SPANXN1: variants seen among roughly 807,000 people sequenced by gnomAD.
The protein encoded by SPANXN1 is sperm protein associated with the nucleus on the X chromosome N1.
Under a neutral mutation model 2.0 loss-of-function variants are expected in SPANXN1, and 1 was observed. That is an observed-to-expected ratio of 0.50 (90% confidence interval 0.18 to 2.36). The LOEUF (loss-of-function observed/expected upper bound fraction) is 2.36. SPANXN1 is among the 30% of genes most tolerant of loss of function. SPANXN1 has a pLI of 0.26. For missense variants in SPANXN1, 55 were observed against 51.8 expected, an observed-to-expected ratio of 1.06 and a Z score of -0.19; for synonymous variants, 27 against 21.3, an observed-to-expected ratio of 1.27 and a Z score of -0.74.
chrX:145,249,908 G>A (rs2070778723), intron 1 of SPANXN1, among the ~76,000 whole-genome samples: 2 of 111,309 alleles, frequency 1.8e-5, no homozygotes, highest in Non-Finnish European at 3.8e-5. Context: ...ATAGAAGGGG[G>A]AGAAAATACG....
chrX:145,248,636 A>G (rs1334385422), intron 1 of SPANXN1, among the ~76,000 whole-genome samples: 17 of 111,934 alleles, frequency 1.5e-4, no homozygotes, highest in Non-Finnish European at 3.0e-4. Context: ...TTATGGTGGC[A>G]AGCCATGAGA....
At position 145,251,548 on chromosome X, in the gene SPANXN1, C is replaced by T. The variant is rs200024113; in HGVS notation, c.75+3887C>T. Among the ~76,000 whole-genome samples the T allele has an allele frequency of 1.4e-4, 16 of 111,439 alleles. No individual in the cohort carries two copies. The East Asian group carries it at 2.8e-3, about 20-fold the overall frequency. On this transcript the variant is annotated intron_variant, in intron 1 of 1. Transcript: ENST00000370493. ...GAGAGATGTGCAATGGCTTCTGGGG[C>T]GTCGCCGTATGTTTGACAGAGTAGT...
rs369753948 is a variant in SPANXN1 at position 145,247,561 on chromosome X, T to A, written c.-26T>A. On this transcript the variant is annotated 5_prime_UTR_variant, in exon 1 of 2. Coordinates refer to ENST00000370493, the MANE Select transcript of SPANXN1 (RefSeq NM_001009614.3). Reference sequence around the variant, plus strand: ...GTCTGGAGTCTACAAGAGCCTACTATAGACATTCTACAACCAACCAGAATC... The same window carrying A: ...GTCTGGAGTCTACAAGAGCCTACTAAAGACATTCTACAACCAACCAGAATC... 3 of 1,194,605 alleles carry A rather than the reference T, an allele frequency of 2.5e-6. No individual in the cohort carries two copies. Among genetic ancestry groups the A allele is most frequent in the Admixed American group, 4.4e-5 (2 of 45,940 alleles).
Position 145,248,842 on chromosome X carries a change from G to C in SPANXN1, c.75+1181G>C, listed in dbSNP as rs146261062. On this transcript the variant is annotated intron_variant, in intron 1 of 1. Coordinates refer to ENST00000370493, the MANE Select transcript of SPANXN1 (RefSeq NM_001009614.3). ...CTAATAGCCACTGTGGTCCTTACAGGGCAGAAGGATACAGGTTGCAGTTGA... is the reference window on the plus strand; with the variant it reads ...CTAATAGCCACTGTGGTCCTTACAGCGCAGAAGGATACAGGTTGCAGTTGA... Among the ~76,000 whole-genome samples the C allele has an allele frequency of 5.5e-3, 618 of 111,745 alleles. 3 individuals carry two copies. Among genetic ancestry groups the C allele is most frequent in the Non-Finnish European group, 8.8e-3 (466 of 53,172 alleles).
At chrX:145,254,176 A>C (rs1217109450) in intron 1 of SPANXN1, among the ~76,000 whole-genome samples, 1 of 95,534 alleles carries the variant, frequency 1.0e-5, no homozygotes, top group Non-Finnish European at 2.1e-5. Context: ...TCAGAGGAGG[A>C]AGGCTTGTCC....
At chrX:145,249,079 C>T (rs1413254448) in intron 1 of SPANXN1, among the ~76,000 whole-genome samples, 18 of 111,014 alleles carry the variant, frequency 1.6e-4, no homozygotes, top group Non-Finnish European at 3.2e-4. Context: ...GGTGATTAGC[C>T]GAGCAAGATT....
intron 1 of SPANXN1, among the ~76,000 whole-genome samples, chrX:145,252,266 G>A (rs2070789136): frequency 9.0e-6 from 1 of 111,487 alleles, no homozygotes; most frequent in Admixed American, 9.5e-5. Context: ...TGGGTTTAAG[G>A]GAAGAGTGAA....
chrX:145,253,477 G>A (rs2070794514), intron 1 of SPANXN1, among the ~76,000 whole-genome samples: 1 of 110,948 alleles, frequency 9.0e-6, no homozygotes, highest in Non-Finnish European at 1.9e-5. Context: ...GGGAGATAAA[G>A]TGTAAATGGA....
chrX:145,252,011 C>A (rs73639615), intron 1 of SPANXN1, among the ~76,000 whole-genome samples: 7,066 of 110,945 alleles, frequency 0.064, 564 homozygotes, highest in African/African-American at 0.22. Flanking sequence ...ATTATGGAAG[C>A]AGTTTAAAAC....
At chrX:145,255,362 C>T (rs1275341277) in intron 1 of SPANXN1, among the ~76,000 whole-genome samples, 3 of 111,614 alleles carry the variant, frequency 2.7e-5, no homozygotes, top group African/African-American at 9.8e-5. Flanking sequence ...CTTTGTCCGC[C>T]TTGTGGACAG....
chrX:145,253,593 C>G (rs2070795027), intron 1 of SPANXN1, among the ~76,000 whole-genome samples: 1 of 111,097 alleles, frequency 9.0e-6, no homozygotes, highest in Non-Finnish European at 1.9e-5. Flanking sequence ...TATATGCCAG[C>G]TAGAAGGCAT....
chrX:145,248,841 G>A (rs2070773049), intron 1 of SPANXN1, among the ~76,000 whole-genome samples: 2 of 111,787 alleles, frequency 1.8e-5, no homozygotes, highest in African/African-American at 6.5e-5. Flanking sequence ...GGTCCTTACA[G>A]GGCAGAAGGA....
rs1418254364 is a variant in SPANXN1 at position 145,255,984 on chromosome X, A to G, written c.*170A>G. ...TTACCTGAAGGATCTTCAAAGCAGA[A>G]TGAAGACCTAGGCTTACCTGAAGGA... On this transcript the variant is annotated 3_prime_UTR_variant, in exon 2 of 2. Coordinates refer to ENST00000370493, the MANE Select transcript of SPANXN1 (RefSeq NM_001009614.3). 7.3e-6 allele frequency: 7 copies of G among 954,367 alleles called. No individual in the cohort carries two copies. Among genetic ancestry groups the G allele is most frequent in the African/African-American group, 3.9e-5 (2 of 51,561 alleles). 78.7% of individuals were successfully genotyped at this position (954,367 alleles called of 1,213,427 possible).
At position 145,255,812 on chromosome X, in the gene SPANXN1, TGA is replaced by T. The variant is rs782813949; in HGVS notation, c.*3_*4del. 3.7e-4 allele frequency: 449 copies of T among 1,210,773 alleles called. No homozygotes were observed. In the African/African-American group the frequency reaches 6.9e-3, roughly 19 times the overall value. Reference sequence around the variant, plus strand: ...AAATCAACTGGAGAATGACCAGTCCTGAGAGAACTCCATCAATCCAGTCCAAG... The same window carrying T: ...AAATCAACTGGAGAATGACCAGTCCTGAGAACTCCATCAATCCAGTCCAAG... Reference protein sequence around the residue: ...HSNQLENDQS* With the variant: ...HSNQLENDQSX On this transcript the variant is annotated frameshift_variant and stop_lost, in exon 2 of 2. Coordinates refer to ENST00000370493, the MANE Select transcript of SPANXN1 (RefSeq NM_001009614.3). LOFTEE classifies it high-confidence loss of function.
chrX:145,254,310 C>T (rs1602860732), intron 1 of SPANXN1, among the ~76,000 whole-genome samples: 1 of 112,055 alleles, frequency 8.9e-6, no homozygotes, highest in East Asian at 2.8e-4. Flanking sequence ...ATTATTTACC[C>T]TTGTGTTGGA....
chrX:145,248,996 G>C (rs1444265017), intron 1 of SPANXN1, among the ~76,000 whole-genome samples: 5 of 111,473 alleles, frequency 4.5e-5, no homozygotes, highest in Admixed American at 1.9e-4. Context: ...GTTTAGTTAA[G>C]AGGCTATGAG....
intron 1 of SPANXN1, among the ~76,000 whole-genome samples, chrX:145,250,138 G>C (rs1292181393): frequency 9.0e-6 from 1 of 111,520 alleles, no homozygotes; most frequent in African/African-American, 3.3e-5. Context: ...TTAATGTTTA[G>C]AGCCTTTGCC....
chrX:145,254,309 C>G (rs189615348), intron 1 of SPANXN1, among the ~76,000 whole-genome samples: 5 of 111,819 alleles, frequency 4.5e-5, no homozygotes, highest in African/African-American at 1.6e-4. Context: ...GATTATTTAC[C>G]CTTGTGTTGG....
intron 1 of SPANXN1, among the ~76,000 whole-genome samples, chrX:145,254,483 T>C (rs1442010964): frequency 9.0e-6 from 1 of 111,355 alleles, no homozygotes; most frequent in Non-Finnish European, 1.9e-5. Flanking sequence ...GGGAAGTGAA[T>C]ACACCAGAGG....
Sources: gnomAD v4.1 joint callset for allele counts (sites outside exome capture counted in the v4.1 genomes callset) on GRCh38, gnomAD v4.1.1 for gene constraint, MANE v1.5 for transcripts, NCBI Gene and HGNC (gene_info 2026-07-23, HGNC 2026-07-21) for gene names.